LRRK2: variants seen among roughly 807,000 people sequenced by gnomAD.
The protein encoded by LRRK2 is leucine-rich repeat serine/threonine-protein kinase 2.
LRRK2 carries 203 observed loss-of-function variants against 302.6 expected under a neutral mutation model. The ratio of observed to expected loss-of-function variants is 0.67; its 90% CI spans 0.60 to 0.75. The LOEUF is 0.75. Ranked by LOEUF, LRRK2 falls within the 30% of genes least tolerant of loss-of-function variation. The probability of loss-of-function intolerance (pLI) is 0.00; values close to 1 mark genes in which losing one functional copy is unlikely to be tolerated. For synonymous variants in LRRK2, 1,066 were observed against 1,031.9 expected (o/e 1.03, Z -0.63); for missense variants, 2,830 against 2,951.0 (o/e 0.96, Z 0.95).
chr12:40,225,706 A>G (rs1162035900), intron 2 of LRRK2, 66 bp downstream of exon 2: 7 of 1,379,062 alleles, frequency 5.1e-6, no homozygotes, highest in Non-Finnish European at 6.1e-6. Context: ...TTTACTGGCA[A>G]TGTTAATATA....
chr12:40,242,059 A>G (rs1052786305), intron 6 of LRRK2, among the ~76,000 whole-genome samples: 1 of 152,130 alleles, frequency 6.6e-6, no homozygotes, highest in African/African-American at 2.4e-5. Context: ...CCCACATTGG[A>G]CATAACTCCA....
At chr12:40,348,773 C>T (rs1216561362) in intron 43 of LRRK2, among the ~76,000 whole-genome samples, 1 of 152,064 alleles carries the variant, frequency 6.6e-6, no homozygotes, top group Non-Finnish European at 1.5e-5. Context: ...TCTGTTGACT[C>T]TTTTGCCTAC....
intron 44 of LRRK2, 151 bp from the exon 45 acceptor site, chr12:40,354,148 G>C: frequency 1.5e-6 from 1 of 660,616 alleles, no homozygotes; most frequent in South Asian, 2.0e-5. Flanking sequence ...CTCATTTATT[G>C]CTGAAAATTA....
chr12:40,233,092 T>C lies in LRRK2; in HGVS notation c.347+709T>C, dbSNP rs146033091. Among the ~76,000 whole-genome samples, 342 of 152,246 alleles carry C rather than the reference T, an allele frequency of 2.2e-3. 4 individuals carry two copies. The highest frequency in any genetic ancestry group is 0.02 in the Admixed American group (306 of 15,294). Reference sequence around the variant, plus strand: ...AGTTAAAAAATATCTTCTAAGCTACTGAGGAGGCTGAGGAAGGAGAATCAC... The same window carrying C: ...AGTTAAAAAATATCTTCTAAGCTACCGAGGAGGCTGAGGAAGGAGAATCAC... On this transcript the variant is annotated intron_variant, in intron 3 of 50. Transcript: ENST00000298910.
chr12:40,320,378 C>T (rs1055519133), intron 34 of LRRK2, among the ~76,000 whole-genome samples: 1 of 151,944 alleles, frequency 6.6e-6, no homozygotes, highest in Non-Finnish European at 1.5e-5. Context: ...AAATCACTTA[C>T]TTTATGTGTA....
At chr12:40,260,041 C>T (rs1240784835) in intron 13 of LRRK2, among the ~76,000 whole-genome samples, 1 of 152,104 alleles carries the variant, frequency 6.6e-6, no homozygotes, top group African/African-American at 2.4e-5. Context: ...GGCTTGTACT[C>T]ATTTACCTCA....
chr12:40,350,771 A>G (rs538090503), intron 43 of LRRK2, among the ~76,000 whole-genome samples: 1 of 152,194 alleles, frequency 6.6e-6, no homozygotes, highest in East Asian at 1.9e-4. Flanking sequence ...TCCACAGTAA[A>G]AATTTTTCAT....
At chr12:40,316,296 G>A (rs1945217815) in intron 33 of LRRK2, 3 of 984,718 alleles carry the variant, frequency 3.0e-6, no homozygotes, top group Non-Finnish European at 3.6e-6. Flanking sequence ...GGAAGCTATT[G>A]TGAAGAGAGA....
At chr12:40,233,985 T>C (rs1056416197) in intron 3 of LRRK2, among the ~76,000 whole-genome samples, 5 of 152,104 alleles carry the variant, frequency 3.3e-5, no homozygotes, top group African/African-American at 1.2e-4. Context: ...CCAGCAAAAA[T>C]TGATTGTAAA....
At chr12:40,234,721 G>T (rs919864948) in intron 3 of LRRK2, among the ~76,000 whole-genome samples, 2 of 151,982 alleles carry the variant, frequency 1.3e-5, no homozygotes, top group African/African-American at 4.8e-5. Flanking sequence ...AAAAACAGTA[G>T]CAATCAATAA....
intron 14 of LRRK2, among the ~76,000 whole-genome samples, chr12:40,271,754 G>A (rs1019709051): frequency 1.3e-5 from 2 of 151,930 alleles, no homozygotes; most frequent in African/African-American, 4.8e-5. Flanking sequence ...AAAATCAAAT[G>A]CTCATATTTA....
At chr12:40,307,222 T>C (rs1442144017) in intron 28 of LRRK2, among the ~76,000 whole-genome samples, 1 of 152,000 alleles carries the variant, frequency 6.6e-6, no homozygotes, top group Admixed American at 6.6e-5. Context: ...AAAGGTAATG[T>C]TGCTTTTTGG....
chr12:40,289,221 G>A (rs1944047544), intron 20 of LRRK2, among the ~76,000 whole-genome samples: 1 of 151,488 alleles, frequency 6.6e-6, no homozygotes, highest in Non-Finnish European at 1.5e-5. Flanking sequence ...TGACTATTTA[G>A]GTATGGTTCT....
At chr12:40,352,305 T>C (rs1946376660) in intron 44 of LRRK2, among the ~76,000 whole-genome samples, 1 of 152,154 alleles carries the variant, frequency 6.6e-6, no homozygotes, top group Admixed American at 6.5e-5. Context: ...GGGGATGGCG[T>C]ACCTGATGGA....
At chr12:40,326,477 GA>G (rs561546782) in intron 38 of LRRK2, among the ~76,000 whole-genome samples, 174 of 116,902 alleles carry the variant, frequency 1.5e-3, no homozygotes, top group African/African-American at 2.1e-3. Flanking sequence ...AAAAAAAAAA[GA>G]AAAAAAAAAA....
chr12:40,341,790 A>C (rs1337391795), intron 41 of LRRK2, among the ~76,000 whole-genome samples: 1 of 152,246 alleles, frequency 6.6e-6, no homozygotes, highest in African/African-American at 2.4e-5. Context: ...ATTTGGCTTT[A>C]AATTCTATAG....
At chr12:40,327,637 GAC>G (rs1308306054) in intron 38 of LRRK2, among the ~76,000 whole-genome samples, 2 of 152,138 alleles carry the variant, frequency 1.3e-5, no homozygotes, top group Non-Finnish European at 2.9e-5. Context: ...ACAGGAGAGT[GAC>G]ACAATCAAAG....
At chr12:40,282,525 G>A (rs1213107094) in intron 18 of LRRK2, among the ~76,000 whole-genome samples, 1 of 152,104 alleles carries the variant, frequency 6.6e-6, no homozygotes, top group African/African-American at 2.4e-5. Context: ...CCTTTTTGCT[G>A]GGTGAAAAGT....
Position 40,320,000 on chromosome 12 carries a change from A to G in LRRK2, c.4840A>G (p.Lys1614Glu), listed in dbSNP as rs1945348147. Residue 1614 changes from lysine to glutamate, a missense_variant, in exon 34 of 51, where the codon AAA (lysine) becomes GAA (glutamate). By Grantham distance (56) the Lys-to-Glu change is moderately conservative. This residue lies in a region of LRRK2 where 2,121 missense variants were observed against 2,148.0 expected (regional missense o/e 0.99). Coordinates refer to ENST00000298910, the MANE Select transcript of LRRK2 (RefSeq NM_198578.4). ...CKIMAQILTVKVEGCPKHPKG... is the reference protein window; with the variant it reads ...CKIMAQILTVEVEGCPKHPKG... ...TCGAATCTTTCAGATTTTGACAGTGAAAGTGGAAGGTTGTCCAAAACACCC... is the reference window on the plus strand; with the variant it reads ...TCGAATCTTTCAGATTTTGACAGTGGAAGTGGAAGGTTGTCCAAAACACCC... 6.2e-7 allele frequency: 1 copy of G among 1,608,748 alleles called. No individual in the cohort carries two copies. Among genetic ancestry groups the G allele is most frequent in the Admixed American group, 1.7e-5 (1 of 59,250 alleles).
Sources: allele counts gnomAD v4.1 joint callset (sites outside exome capture counted in the v4.1 genomes callset), GRCh38; gene constraint gnomAD v4.1.1; regional missense constraint gnomAD v4.1.1; transcripts MANE v1.5; gene names NCBI Gene and HGNC (gene_info 2026-07-23, HGNC 2026-07-21).